Variants in PARVB observed in about 807,000 individuals in gnomAD.
PARVB encodes parvin beta, also known as beta-parvin.
A neutral mutation model predicts 47.0 loss-of-function variants in PARVB; 46 were observed. The ratio of observed to expected loss-of-function variants is 0.98; its 90% CI spans 0.77 to 1.25. PARVB has a LOEUF of 1.25. PARVB is among the 50% of genes most tolerant of loss of function. The probability of loss-of-function intolerance (pLI) is 0.00; values close to 1 mark genes in which losing one functional copy is unlikely to be tolerated. For synonymous variants in PARVB, 196 were observed against 196.3 expected, an observed-to-expected ratio of 1.00 and a Z score of 0.01; for missense variants, 473 against 471.6, an observed-to-expected ratio of 1.00 and a Z score of -0.03.
At chr22:44,161,893 C>T (rs1363915256) in intron 11 of PARVB, among the ~76,000 whole-genome samples, 1 of 152,240 alleles carries the variant, frequency 6.6e-6, no homozygotes, top group Non-Finnish European at 1.5e-5. Flanking sequence ...AGCACTCCCG[C>T]ATCTCCAGGC....
chr22:44,024,184 C>T (rs1038018235), upstream of PARVB: 13 of 237,784 alleles, frequency 5.5e-5, no homozygotes, highest in Non-Finnish European at 2.0e-5. Context: ...GACCAGCAGG[C>T]CTCGGGCATC....
chr22:44,107,295 G>C (rs2052589195), intron 3 of PARVB: 1 of 152,254 alleles, frequency 6.6e-6, no homozygotes, highest in Non-Finnish European at 1.5e-5. Context: ...CAGGCAACTA[G>C]AGGTTTATAG....
intron 1 of PARVB, among the ~76,000 whole-genome samples, chr22:44,077,219 C>T (rs927524491): frequency 5.9e-5 from 9 of 152,268 alleles, no homozygotes; most frequent in Non-Finnish European, 1.2e-4. Flanking sequence ...TCCAGGGCTC[C>T]GAGAGGATCC....
At chr22:44,011,132 C>T (rs1433735660) in intron 2 of PARVB, among the ~76,000 whole-genome samples, 3 of 152,042 alleles carry the variant, frequency 2.0e-5, no homozygotes, top group African/African-American at 7.2e-5. Context: ...CCATGCCTGA[C>T]TAATTTTTTA....
chr22:44,032,517 G>A (rs902061346), intron 1 of PARVB, among the ~76,000 whole-genome samples: 3 of 152,104 alleles, frequency 2.0e-5, no homozygotes, highest in African/African-American at 4.8e-5. Flanking sequence ...AATGCCCGTC[G>A]CGGTGGTGCA....
chr22:44,094,131 G>A, intron 2 of PARVB, 114 bp downstream of exon 2: 1 of 564,170 alleles, frequency 1.8e-6, no homozygotes, highest in Non-Finnish European at 3.1e-6. Flanking sequence ...ATCAGATGCT[G>A]GGGGCATTTG....
At position 44,024,319 on chromosome 22, in the gene PARVB, C is replaced by A. The variant is rs1410086788; in HGVS notation, c.-21C>A. On this transcript the variant is annotated 5_prime_UTR_variant, in exon 1 of 13. Coordinates refer to ENST00000338758, the MANE Select transcript of PARVB (RefSeq NM_013327.5). The stretch of plus-strand genomic sequence containing the variant: ...GCGGCTCCACACGCGCTGCGCCCGC[C>A]GCCGGCCCCACGCGCGGCCCATGTC... 8.8e-6 allele frequency: 9 copies of A among 1,022,904 alleles called. No homozygotes were observed. Among genetic ancestry groups the A allele is most frequent in the Non-Finnish European group, 1.1e-5 (9 of 854,506 alleles). 63.4% of individuals were successfully genotyped at this position (1,022,904 alleles called of 1,614,324 possible). A position where few individuals can be genotyped will look rare whatever the true frequency, so the allele number is the denominator to read the frequency against.
intron 10 of PARVB, among the ~76,000 whole-genome samples, chr22:44,154,769 T>C (rs1001460302): frequency 9.4e-5 from 14 of 149,344 alleles, no homozygotes; most frequent in African/African-American, 3.5e-4. Flanking sequence ...GTGGTGTGTG[T>C]GTGGTTTATG....
At chr22:44,014,025 G>T (rs2050552109) in intron 2 of PARVB, among the ~76,000 whole-genome samples, 1 of 152,076 alleles carries the variant, frequency 6.6e-6, no homozygotes, top group African/African-American at 2.4e-5. Context: ...GACCAACCTG[G>T]GCAACATAGC....
intron 12 of PARVB, among the ~76,000 whole-genome samples, chr22:44,167,524 G>A (rs1313582451): frequency 6.6e-6 from 1 of 152,100 alleles, no homozygotes; most frequent in Admixed American, 6.5e-5. Context: ...AGGGGGCCAG[G>A]AGGTGATGGC....
chr22:44,013,487 G>A (rs6006617), intron 2 of PARVB, among the ~76,000 whole-genome samples: 34,579 of 152,150 alleles, frequency 0.23, 4,481 homozygotes, highest in African/African-American at 0.35. Flanking sequence ...GATCCTCAGT[G>A]CCCCTCACCA....
Position 44,039,077 on chromosome 22 carries a change from C to T in PARVB, c.112+14626C>T, listed in dbSNP as rs567928562. Among the ~76,000 whole-genome samples, 21 of 152,290 alleles carry T rather than the reference C, an allele frequency of 1.4e-4. No homozygotes were observed. The East Asian group carries it at 3.7e-3, about 27-fold the overall frequency. The stretch of plus-strand genomic sequence containing the variant: ...AAGAACAGGGAATGCCCCGCAGACC[C>T]ATGGGAAAGGCTGGAAGATGTGGTG... On this transcript the variant is annotated intron_variant, in intron 1 of 12. Coordinates refer to ENST00000338758, the MANE Select transcript of PARVB (RefSeq NM_013327.5).
At chr22:44,017,199 G>C (rs1376897902) in intron 2 of PARVB, among the ~76,000 whole-genome samples, 1 of 151,952 alleles carries the variant, frequency 6.6e-6, no homozygotes, top group Non-Finnish European at 1.5e-5. Context: ...AGATGTGAGA[G>C]GTAATCCACC....
At chr22:44,079,439 G>C (rs1482548155) in intron 1 of PARVB, among the ~76,000 whole-genome samples, 1 of 152,184 alleles carries the variant, frequency 6.6e-6, no homozygotes, top group Non-Finnish European at 1.5e-5. Flanking sequence ...CAAGGTTTGT[G>C]GGACACAGCT....
At chr22:44,136,176 G>T (rs371075072) in intron 6 of PARVB, among the ~76,000 whole-genome samples, 2 of 152,226 alleles carry the variant, frequency 1.3e-5, no homozygotes, top group African/African-American at 2.4e-5. Flanking sequence ...CTGACCTGGG[G>T]TGTTTCTCCT....
intron 1 of PARVB, among the ~76,000 whole-genome samples, chr22:44,070,118 A>G (rs2051623018): frequency 6.6e-6 from 1 of 152,222 alleles, no homozygotes; most frequent in African/African-American, 2.4e-5. Flanking sequence ...CCCAGGGACT[A>G]TCCCAGCTCC....
chr22:44,024,967 AT>A (rs200050006), intron 1 of PARVB, among the ~76,000 whole-genome samples: 17 of 150,274 alleles, frequency 1.1e-4, no homozygotes, highest in African/African-American at 2.2e-4. Context: ...CCCATTAAAA[AT>A]TTTTTTTTTT....
At chr22:44,019,885 A>G (rs2050628105), upstream of PARVB, among the ~76,000 whole-genome samples, 2 of 152,224 alleles carry the variant, frequency 1.3e-5, no homozygotes, top group South Asian at 4.1e-4. Context: ...TAGCACTCCC[A>G]AAAGATGCTG....
At chr22:44,014,112 T>G (rs1472436263) in intron 2 of PARVB, among the ~76,000 whole-genome samples, 1 of 152,210 alleles carries the variant, frequency 6.6e-6, no homozygotes, top group Non-Finnish European at 1.5e-5. Context: ...AGTTCCAGCA[T>G]GTATTGTTCA....
Sources: gnomAD v4.1 joint callset for allele counts (sites outside exome capture counted in the v4.1 genomes callset) on GRCh38, gnomAD v4.1.1 for gene constraint, MANE v1.5 for transcripts, NCBI Gene and HGNC (gene_info 2026-07-23, HGNC 2026-07-21) for gene names.